The following CTH variants were observed in gnomAD, a reference collection of about 807,000 sequenced individuals.
The protein encoded by CTH is cystathionine gamma-lyase, also known as cystathionase (cystathionine gamma-lyase).
Under a neutral mutation model 50.6 loss-of-function variants are expected in CTH, and 41 were observed. The ratio of observed to expected loss-of-function variants is 0.81; its 90% confidence interval spans 0.63 to 1.05. CTH has a LOEUF of 1.05. CTH is among the 50% of genes least tolerant of loss of function. The probability of loss-of-function intolerance (pLI) is 0.00; values close to 1 mark genes in which losing one functional copy is unlikely to be tolerated. For synonymous variants in CTH, 156 were observed against 168.9 expected, an observed-to-expected ratio of 0.92 and a Z score of 0.59; for missense variants, 470 against 492.6, an observed-to-expected ratio of 0.95 and a Z score of 0.43.
chr1:70,432,263 C>A, intron 8 of CTH, 28 bp downstream of exon 8: 1 of 1,612,762 alleles, frequency 6.2e-7, no homozygotes, highest in Non-Finnish European at 8.5e-7. Context: ...CTAAGCAGAT[C>A]TACTAGGATT....
At chr1:70,435,954 G>A (rs796576059) in intron 10 of CTH, among the ~76,000 whole-genome samples, 52 of 152,258 alleles carry the variant, frequency 3.4e-4, no homozygotes, top group African/African-American at 1.2e-3. Flanking sequence ...CTAGATTTGA[G>A]ATCTGCTTCC....
chr1:70,424,938 A>T (rs1184318004), intron 5 of CTH, among the ~76,000 whole-genome samples: 1 of 152,118 alleles, frequency 6.6e-6, no homozygotes, highest in African/African-American at 2.4e-5. Flanking sequence ...CAAAAAAAAA[A>T]AGCTTACGAG....
intron 2 of CTH, 41 bp downstream of exon 2, chr1:70,416,078 A>G (rs1307500833): frequency 8.7e-7 from 1 of 1,152,636 alleles, no homozygotes; most frequent in Non-Finnish European, 1.3e-6. Flanking sequence ...CTATTTTTAA[A>G]TGTATAGAGA....
chr1:70,428,826 TG>T (rs1317209565), intron 5 of CTH, among the ~76,000 whole-genome samples: 1 of 152,140 alleles, frequency 6.6e-6, no homozygotes, highest in Non-Finnish European at 1.5e-5. Context: ...TTGGCCAGGC[TG>T]GGCTCAAACT....
In CTH at chr1:70,415,983, C is replaced by A; in HGVS notation, c.196C>A (p.Pro66Thr). The A allele has an allele frequency of 6.2e-7, 1 of 1,610,476 alleles. No individual in the cohort carries two copies. Among genetic ancestry groups the A allele is most frequent in the Non-Finnish European group, 8.5e-7 (1 of 1,176,770 alleles). ...TTTTGAATATAGCCGTTCTGGAAATCCCACTAGGAATTGCCTTGAAAAAGC... is the reference window on the plus strand; with the variant it reads ...TTTTGAATATAGCCGTTCTGGAAATACCACTAGGAATTGCCTTGAAAAAGC... ...SGFEYSRSGN[P>T]TRNCLEKAVA... Residue 66 changes from proline to threonine, a missense_variant, in exon 2 of 12, where the codon CCC (proline) becomes ACC (threonine). Transcript: ENST00000370938.
At chr1:70,422,982 G>A (rs939097196) in intron 4 of CTH, among the ~76,000 whole-genome samples, 3 of 152,068 alleles carry the variant, frequency 2.0e-5, no homozygotes, top group African/African-American at 7.2e-5. Flanking sequence ...ATTTTATATA[G>A]TGACTCTACC....
chr1:70,419,615 G>T (rs1249619531), intron 3 of CTH, among the ~76,000 whole-genome samples: 1 of 152,188 alleles, frequency 6.6e-6, no homozygotes, highest in African/African-American at 2.4e-5. Context: ...ATGAGTTAAT[G>T]GGTGTAGCAC....
chr1:70,426,280 C>G (rs1409016131), intron 5 of CTH, among the ~76,000 whole-genome samples: 1 of 152,090 alleles, frequency 6.6e-6, no homozygotes, highest in Non-Finnish European at 1.5e-5. Context: ...CTTTCCTTTC[C>G]TTGTTAGGAG....
intron 11 of CTH, 45 bp downstream of exon 11, chr1:70,438,871 T>C: frequency 2.5e-6 from 4 of 1,610,942 alleles, no homozygotes; most frequent in Non-Finnish European, 3.4e-6. Context: ...TGTGTGTGTC[T>C]GCTTTATCTT....
intron 4 of CTH, 107 bp from the exon 5 acceptor site, chr1:70,424,178 A>T: frequency 6.3e-7 from 1 of 1,588,240 alleles, no homozygotes; most frequent in South Asian, 1.1e-5. Context: ...ATCATCATCC[A>T]TGTGTTTCCA....
rs551720451 is a variant in CTH, at chr1:70,429,794, C to A, written c.589C>A (p.Arg197Ser). The A allele has an allele frequency of 2.5e-6, 4 of 1,610,272 alleles. No homozygotes were observed. The highest frequency in any genetic ancestry group is 1.7e-6 in the Non-Finnish European group (2 of 1,177,024). The change falls in exon 6 of 12, where the codon CGC (arginine) becomes AGC (serine). Residue 197 changes from arginine (R) to serine (S), a missense_variant and splice_region_variant. Arg to Ser is a moderately radical substitution (Grantham distance 110, BLOSUM62 -1). Transcript: ENST00000370938. ...DNTFMSPYFQRPLALGADISM... is the reference protein window; with the variant it reads ...DNTFMSPYFQSPLALGADISM... ...TAAAGTAAAAAACTTGTTCTTTCAG[C>A]GCCCTTTGGCTCTGGGAGCTGATAT...
At position 70,421,670 on chromosome 1, in the gene CTH, A is replaced by G. The variant is rs764824515; in HGVS notation, c.451A>G (p.Thr151Ala). ...ACTAGAGGCAGCAATTACACCAGAA[A>G]CCAAGGTAACTCAGCTCATTTTCAG... is the stretch of plus-strand genomic sequence containing the variant. Reference protein sequence around the residue: ...KLLEAAITPETKLVWIETPTN... With the variant: ...KLLEAAITPEAKLVWIETPTN... The change falls in exon 4 of 12, where the codon ACC becomes GCC. Residue 151 changes from threonine (T) to alanine (A), a missense_variant. Thr to Ala is a moderately conservative substitution (Grantham distance 58). Transcript: ENST00000370938. 6.2e-7 allele frequency: 1 copy of G among 1,613,862 alleles called. No individual in the cohort carries two copies. The highest frequency in any genetic ancestry group is 8.5e-7 in the Non-Finnish European group (1 of 1,179,854).
intron 10 of CTH, among the ~76,000 whole-genome samples, chr1:70,436,612 T>C (rs181420308): frequency 6.6e-6 from 1 of 152,230 alleles, no homozygotes; most frequent in East Asian, 1.9e-4. Flanking sequence ...AGGCCTATTT[T>C]CTGTCTTTGT....
Position 70,411,544 on chromosome 1 carries a change from G to A in CTH, c.129G>A (p.Leu43=), listed in dbSNP as rs61735624. ...GGGCTGTAGTGCCCCCCATCTCACT[G>A]TCCACCACGTTCAAGCAAGGGGCGC... ...TSRAVVPPIS[L]STTFKQGAPG... is the part of the protein sequence containing the mutation. Residue 43 remains leucine (L), a synonymous_variant, in exon 1 of 12, where the codon CTG becomes CTA. Coordinates refer to ENST00000370938, the MANE Select transcript of CTH (RefSeq NM_001902.6). 1.4e-3 allele frequency: 2,315 copies of A among 1,614,094 alleles called. 42 individuals are homozygous for A. In the African/African-American group the frequency reaches 0.028, roughly 19 times the overall value.
rs75172913 is a variant in CTH, at chr1:70,411,804, C to G, written c.168+221C>G. 7.9e-3 allele frequency: 4,877 copies of G among 619,008 alleles called. 191 individuals carry two copies. The African/African-American group carries it at 0.082, about 10-fold the overall frequency. The allele number at this position is 619,008 out of a possible 1,614,324, so 38.3% of individuals were successfully genotyped here. ...GGACTGGAAGGAGCCGTTTGTCCAG[C>G]TTGCCATTTAGATTTGGCCTGAAAT... is the stretch of plus-strand genomic sequence containing the variant. On this transcript the variant is annotated intron_variant, in intron 1 of 11. Coordinates refer to ENST00000370938, the MANE Select transcript of CTH (RefSeq NM_001902.6).
rs1385876896 is a variant in CTH at position 70,439,031 on chromosome 1, A to T, written c.1192-70A>T. On this transcript the variant is annotated intron_variant, in intron 11 of 11. Transcript: ENST00000370938. ...AAGGATGGTAGTATTCAGAAAAAGG[A>T]CTTCTTGAGGAGTTGAAGCTATGGC... The T allele has an allele frequency of 1.9e-6, 3 of 1,546,416 alleles. No homozygotes were observed. The African/African-American group carries it at 4.1e-5, about 21-fold the overall frequency.
intron 2 of CTH, among the ~76,000 whole-genome samples, chr1:70,416,503 C>A (rs1234947455): frequency 6.6e-6 from 1 of 151,984 alleles, no homozygotes; most frequent in Non-Finnish European, 1.5e-5. Context: ...AGCGATTCTC[C>A]TGCCTCAGCC....
rs1369248720 is a variant in CTH at position 70,430,334 on chromosome 1, A to G, written c.664A>G (p.Met222Val). The change falls in exon 7 of 12, where the codon ATG (methionine) becomes GTG (valine). Residue 222 changes from methionine to valine, a missense_variant. By Grantham distance (21) the Met-to-Val change is conservative. Coordinates refer to ENST00000370938, the MANE Select transcript of CTH (RefSeq NM_001902.6). Reference protein sequence around the residue: ...KYMNGHSDVVMGLVSVNCESL... With the variant: ...KYMNGHSDVVVGLVSVNCESL... ...GTTTTTAGGCCACAGTGATGTTGTA[A>G]TGGGCCTGGTGTCTGTTAATTGTGA... The G allele has an allele frequency of 6.3e-7, 1 of 1,598,252 alleles. No individual in the cohort carries two copies. Among genetic ancestry groups the G allele is most frequent in the Admixed American group, 1.7e-5 (1 of 59,974 alleles).
chr1:70,424,367 G>A lies in CTH; in HGVS notation c.539G>A (p.Gly180Glu), dbSNP rs968951824. 6.2e-7 allele frequency: 1 copy of A among 1,613,978 alleles called. No homozygotes were observed. ...TGTGCACATATTGTCCATAAGCATGGAGACATTATTTTGGTCGTGGATAAC... is the reference window on the plus strand; with the variant it reads ...TGTGCACATATTGTCCATAAGCATGAAGACATTATTTTGGTCGTGGATAAC... ...EGCAHIVHKH[G>E]DIILVVDNTF... Residue 180 changes from glycine to glutamate, a missense_variant, in exon 5 of 12, where the codon GGA becomes GAA. Coordinates refer to ENST00000370938, the MANE Select transcript of CTH (RefSeq NM_001902.6).
Sources: allele counts gnomAD v4.1 joint callset (sites outside exome capture counted in the v4.1 genomes callset), GRCh38; gene constraint gnomAD v4.1.1; transcripts MANE v1.5; gene names NCBI Gene and HGNC (gene_info 2026-07-23, HGNC 2026-07-21).